The following ARRB1 variants were observed in gnomAD, a reference collection of about 807,000 sequenced individuals.
The protein encoded by ARRB1 is arrestin beta 1.
In ARRB1, 21 loss-of-function variants were observed where a neutral mutation model predicts 56.8. The ratio of observed to expected loss-of-function variants is 0.37; its 90% CI spans 0.26 to 0.53. ARRB1 has a LOEUF of 0.53. Ranked by LOEUF, ARRB1 falls within the 20% of genes least tolerant of loss-of-function variation. The probability of loss-of-function intolerance (pLI) is 0.88; values close to 1 mark genes in which losing one functional copy is unlikely to be tolerated. For missense variants in ARRB1, 424 were observed against 553.7 expected (o/e 0.77, Z 2.35); for synonymous variants, 210 against 218.6 (o/e 0.96, Z 0.35).
intron 1 of ARRB1, among the ~76,000 whole-genome samples, chr11:75,315,974 G>C (rs1331001497): frequency 6.6e-6 from 1 of 152,192 alleles, no homozygotes; most frequent in African/African-American, 2.4e-5. Flanking sequence ...GACCCAAACA[G>C]GGAGGACACC....
In ARRB1 at chr11:75,263,314, C is replaced by T. The variant is rs150505001; in HGVS notation, c.*2849G>A. ...ACCAGAAGCTTGGAAACATGACCTG[C>T]GGCTTCCTCTCCAGGAAGAGGCTGA... On this transcript the variant is annotated 3_prime_UTR_variant, in exon 16 of 16. Coordinates refer to ENST00000420843, the MANE Select transcript of ARRB1 (RefSeq NM_004041.5). Among the ~76,000 whole-genome samples, 14 of 152,324 alleles carry T rather than the reference C, an allele frequency of 9.2e-5. No individual in the cohort carries two copies. Among genetic ancestry groups the T allele is most frequent in the African/African-American group, 2.4e-4 (10 of 41,574 alleles).
At chr11:75,313,565 C>T (rs1044183210) in intron 1 of ARRB1, among the ~76,000 whole-genome samples, 1 of 152,316 alleles carries the variant, frequency 6.6e-6, no homozygotes, top group South Asian at 2.1e-4. Flanking sequence ...CCTTCCAGAT[C>T]CCGTGACTAA....
At chr11:75,267,598 A>ACCCCCCCCCCCCCCCGCCCCCCC in intron 15 of ARRB1, 54 bp downstream of exon 15, 1 of 1,419,702 alleles carries the variant, frequency 7.0e-7, no homozygotes, top group Non-Finnish European at 9.9e-7. Context: ...GACCCCCTCC[A>ACCCCCCCCCCCCCCCGCCCCCCC]CCCCGCCCAC....
At chr11:75,340,192 T>C (rs1488961943) in intron 1 of ARRB1, among the ~76,000 whole-genome samples, 1 of 152,212 alleles carries the variant, frequency 6.6e-6, no homozygotes, top group Non-Finnish European at 1.5e-5. Context: ...TGGGGGCAGT[T>C]TGCAGGCAAA....
chr11:75,296,057 A>T (rs1946735918), intron 1 of ARRB1, among the ~76,000 whole-genome samples: 1 of 151,932 alleles, frequency 6.6e-6, no homozygotes, highest in Admixed American at 6.6e-5. Context: ...GTGGTGGCAC[A>T]TGCCTGTAAT....
rs369530675 is a variant in ARRB1, at chr11:75,268,901, G to C, written c.1081C>G (p.Pro361Ala). The stretch of plus-strand genomic sequence containing the variant: ...AGATTCTGCTCACCTTCCCGATGCG[G>C]GGGTTCCTCTTTGGGCTTGGGGTGC... ...LMHPKPKEEP[P>A]HREVPENETP... The change falls in exon 14 of 16, where the codon CCG (proline) becomes GCG (alanine). Residue 361 changes from proline to alanine, a missense_variant. Physicochemically the swap from Pro to Ala is conservative, Grantham distance 27 (BLOSUM62 -1). This residue lies in a region of ARRB1 where 121 missense variants were observed against 147.3 expected (regional missense o/e 0.82). Transcript: ENST00000420843. The C allele has an allele frequency of 1.2e-6, 2 of 1,608,812 alleles. No individual in the cohort carries two copies. Among genetic ancestry groups the C allele is most frequent in the Non-Finnish European group, 1.7e-6 (2 of 1,178,722 alleles).
intron 1 of ARRB1, among the ~76,000 whole-genome samples, chr11:75,333,189 G>A (rs1213085546): frequency 2.0e-5 from 3 of 152,144 alleles, no homozygotes; most frequent in Non-Finnish European, 2.9e-5. Context: ...GATTACAGCA[G>A]GTGCTAAGTG....
rs894281033 is a variant in ARRB1 at position 75,306,432 on chromosome 11, T to C, written c.21-16393A>G. 29 of 505,656 alleles carry C rather than the reference T, an allele frequency of 5.7e-5. No individual in the cohort carries two copies. In the Admixed American group the frequency reaches 6.6e-4, roughly 12 times the overall value. The allele number at this position is 505,656 out of a possible 1,614,324, so 31.3% of individuals were successfully genotyped here. The stretch of plus-strand genomic sequence containing the variant: ...TCCCTGTGTTCTCCATCCCCACCTA[T>C]GCCAGAGGCTGGTGCGCAGGAAGCA... On this transcript the variant is annotated intron_variant, in intron 1 of 15. Transcript: ENST00000420843.
rs1288244057 is a variant in ARRB1, at chr11:75,284,293, A to G, written c.113-14T>C. ...GGACCACACCATCTGGGGAAAGGACAGAGAGTAAGCGGCCTCTCCCAACCT... is the reference window on the plus strand; with the variant it reads ...GGACCACACCATCTGGGGAAAGGACGGAGAGTAAGCGGCCTCTCCCAACCT... On this transcript the variant is annotated splice_polypyrimidine_tract_variant and intron_variant, in intron 3 of 15. Transcript: ENST00000420843. 9.3e-6 allele frequency: 15 copies of G among 1,606,524 alleles called. No individual in the cohort carries two copies.
At chr11:75,284,795 C>T (rs761936318) in intron 3 of ARRB1, among the ~76,000 whole-genome samples, 11 of 152,010 alleles carry the variant, frequency 7.2e-5, no homozygotes, top group East Asian at 5.8e-4. Context: ...TCCAGCTACT[C>T]GGGAGACTGA....
chr11:75,290,517 G>A (rs1946584284), intron 1 of ARRB1, among the ~76,000 whole-genome samples: 1 of 152,022 alleles, frequency 6.6e-6, no homozygotes, highest in Non-Finnish European at 1.5e-5. Context: ...TGCATGCTCA[G>A]CCCCACTGTG....
At chr11:75,266,328 G>A (rs1945911902) in intron 15 of ARRB1, 54 bp from the exon 16 acceptor site, 3 of 1,477,080 alleles carry the variant, frequency 2.0e-6, no homozygotes, top group Non-Finnish European at 2.8e-6. Context: ...GGGAGAGTAG[G>A]CTTATCCAGA....
At chr11:75,272,600 T>G (rs1946094747) in intron 12 of ARRB1, among the ~76,000 whole-genome samples, 1 of 150,768 alleles carries the variant, frequency 6.6e-6, no homozygotes, top group Non-Finnish European at 1.5e-5. Flanking sequence ...GAGGACGCCG[T>G]CCCCTGGGCA....
In ARRB1 at chr11:75,264,088, G is replaced by C. The variant is rs34601759; in HGVS notation, c.*2075C>G. The C allele has an allele frequency of 6.6e-6, 1 of 152,276 alleles. No homozygotes were observed. The highest frequency in any genetic ancestry group is 2.4e-5 in the African/African-American group (1 of 41,448). The allele number at this position is 152,276 out of a possible 1,614,324, so 9.4% of individuals were successfully genotyped here. On this transcript the variant is annotated 3_prime_UTR_variant, in exon 16 of 16. Coordinates refer to ENST00000420843, the MANE Select transcript of ARRB1 (RefSeq NM_004041.5). Reference sequence around the variant, plus strand: ...TCTAGGAGGGGCTGGATGCCTGGGGGACCTGCAACTAGGCCCTCAAGACTG... The same window carrying C: ...TCTAGGAGGGGCTGGATGCCTGGGGCACCTGCAACTAGGCCCTCAAGACTG...
chr11:75,282,034 G>A lies in ARRB1; in HGVS notation c.355-13C>T, dbSNP rs1466996228. The stretch of plus-strand genomic sequence containing the variant: ...GGTTTGGAGGGATCTGTCAAGAAGA[G>A]GACAGAACGAGCCACCTGTCACATC... On this transcript the variant is annotated splice_polypyrimidine_tract_variant and intron_variant, in intron 5 of 15. Transcript: ENST00000420843. 4 of 1,613,812 alleles carry A rather than the reference G, an allele frequency of 2.5e-6. No homozygotes were observed. The highest frequency in any genetic ancestry group is 3.4e-6 in the Non-Finnish European group (4 of 1,179,866).
intron 1 of ARRB1, among the ~76,000 whole-genome samples, chr11:75,293,110 C>T (rs1329230175): frequency 6.6e-6 from 1 of 152,074 alleles, no homozygotes; most frequent in Non-Finnish European, 1.5e-5. Flanking sequence ...GTGTGGCCAG[C>T]AGTGGGGAAT....
rs1410470775 is a variant in ARRB1 at position 75,261,335 on chromosome 11, CT to C, written c.*4827del. The C allele has an allele frequency of 6.6e-6, 1 of 152,062 alleles. No homozygotes were observed. Among genetic ancestry groups the C allele is most frequent in the African/African-American group, 2.4e-5 (1 of 41,358 alleles). 9.4% of individuals were successfully genotyped at this position (152,062 alleles called of 1,614,324 possible). ...AAGAATAGAACCTGTGCTGGCTGGT[CT>C]AAGATCAAACCTCGAGATGGTGGTT... On this transcript the variant is annotated 3_prime_UTR_variant, in exon 16 of 16. Transcript: ENST00000420843.
At chr11:75,275,629 T>G (rs1386656309) in intron 10 of ARRB1, among the ~76,000 whole-genome samples, 1 of 152,178 alleles carries the variant, frequency 6.6e-6, no homozygotes, top group African/African-American at 2.4e-5. Context: ...CCCCCATCCT[T>G]TCCAATGAGA....
chr11:75,347,999 C>T (rs746427172), intron 1 of ARRB1, among the ~76,000 whole-genome samples: 95 of 152,236 alleles, frequency 6.2e-4, no homozygotes, highest in Non-Finnish European at 1.1e-3. Flanking sequence ...ATCCACCCTA[C>T]TTGGCGCTGC....
Sources: gnomAD v4.1 joint callset for allele counts (sites outside exome capture counted in the v4.1 genomes callset) on GRCh38, gnomAD v4.1.1 for gene constraint, gnomAD v4.1.1 regional missense constraint, MANE v1.5 for transcripts, NCBI Gene and HGNC (gene_info 2026-07-23, HGNC 2026-07-21) for gene names.